Variants in NRXN1 observed in about 807,000 individuals in gnomAD.
NRXN1 encodes the protein neurexin-1.
Under a neutral mutation model 150.9 loss-of-function variants are expected in NRXN1, and 39 were observed. That is an observed-to-expected ratio of 0.26 (90% CI 0.20 to 0.34). NRXN1 has a LOEUF of 0.34. Among genes scored for constraint, NRXN1 ranks in the 10% least tolerant of loss-of-function variants. The pLI, the probability that NRXN1 is intolerant of heterozygous loss-of-function variation, is 1.00. For missense variants in NRXN1, 1,815 were observed against 1,949.9 expected, an observed-to-expected ratio of 0.93 and a Z score of 1.30; for synonymous variants, 924 against 757.0, an observed-to-expected ratio of 1.22 and a Z score of -3.62.
intron 17 of NRXN1, among the ~76,000 whole-genome samples, chr2:50,378,765 A>G (rs2103628393): frequency 6.6e-6 from 1 of 152,296 alleles, no homozygotes; most frequent in Non-Finnish European, 1.5e-5. Context: ...AAGTGATTAT[A>G]AATTTGAAAT....
intron 17 of NRXN1, among the ~76,000 whole-genome samples, chr2:50,262,499 G>T (rs953921633): frequency 3.3e-5 from 5 of 151,886 alleles, no homozygotes; most frequent in Non-Finnish European, 7.4e-5. Context: ...ATACTAAAAA[G>T]GTTGGGTTAA....
Position 50,368,840 on chromosome 2 carries a change from G to T in NRXN1, c.3364+96602C>A, listed in dbSNP as rs112092719. 8.2e-3 allele frequency among the ~76,000 whole-genome samples: 1,254 copies of T among 152,050 alleles called. 8 individuals are homozygous for T. Among genetic ancestry groups the T allele is most frequent in the Middle Eastern group, 0.034 (10 of 294 alleles). On this transcript the variant is annotated intron_variant, in intron 17 of 22. Coordinates refer to ENST00000401669, the MANE Select transcript of NRXN1 (RefSeq NM_001330078.2). ...TGGAGTTTCCAGAAAGCAAACGAGT[G>T]GGGGTTTGGAACTAACCTACATTCC...
intron 17 of NRXN1, among the ~76,000 whole-genome samples, chr2:50,376,048 C>CACAG (rs1334117696): frequency 8.6e-6 from 1 of 115,960 alleles, no homozygotes; most frequent in Non-Finnish European, 1.8e-5. Flanking sequence ...TATATATATA[C>CACAG]ACACACACAC....
intron 18 of NRXN1, among the ~76,000 whole-genome samples, chr2:50,096,860 T>A (rs1700297247): frequency 6.6e-6 from 1 of 152,232 alleles, no homozygotes; most frequent in Non-Finnish European, 1.5e-5. Context: ...TTTAATGCAC[T>A]GTCTAATTCC....
intron 15 of NRXN1, among the ~76,000 whole-genome samples, chr2:50,477,245 C>T (rs1047744411): frequency 2.6e-5 from 4 of 151,944 alleles, no homozygotes; most frequent in African/African-American, 9.7e-5. Context: ...CTTATGACTG[C>T]TGGCTGAAAA....
intron 18 of NRXN1, among the ~76,000 whole-genome samples, chr2:50,170,168 T>G (rs745665869): frequency 6.6e-6 from 1 of 150,880 alleles, no homozygotes; most frequent in African/African-American, 2.5e-5. Flanking sequence ...CACACACATA[T>G]GTACACTCAA....
chr2:50,110,215 G>C (rs943959577), intron 18 of NRXN1, among the ~76,000 whole-genome samples: 1 of 152,074 alleles, frequency 6.6e-6, no homozygotes, highest in Non-Finnish European at 1.5e-5. Flanking sequence ...TGTTGGCCGG[G>C]CGCGGTGGCT....
chr2:50,558,526 T>G (rs1181642085), intron 8 of NRXN1, among the ~76,000 whole-genome samples: 1 of 152,178 alleles, frequency 6.6e-6, no homozygotes, highest in Non-Finnish European at 1.5e-5. Context: ...CACAAGTAAG[T>G]AGAGGAATTT....
At chr2:50,506,426 A>G in intron 13 of NRXN1, 69 bp downstream of exon 13, 1 of 1,504,628 alleles carries the variant, frequency 6.6e-7, no homozygotes, top group Non-Finnish European at 9.0e-7. Context: ...TTGGTGTGCA[A>G]AACCACCTGC....
intron 15 of NRXN1, among the ~76,000 whole-genome samples, chr2:50,475,307 A>G (rs1189725658): frequency 1.3e-5 from 2 of 152,088 alleles, no homozygotes; most frequent in Non-Finnish European, 2.9e-5. Context: ...TGTGTTTCCC[A>G]GAGTGCCCGG....
chr2:50,564,389 A>T (rs937538805), intron 8 of NRXN1, among the ~76,000 whole-genome samples: 1 of 152,194 alleles, frequency 6.6e-6, no homozygotes, highest in South Asian at 2.1e-4. Flanking sequence ...GCAAAGATGC[A>T]TTCTGTAAAG....
At chr2:50,747,237 G>A (rs1700128640) in intron 5 of NRXN1, among the ~76,000 whole-genome samples, 1 of 152,152 alleles carries the variant, frequency 6.6e-6, no homozygotes, top group Non-Finnish European at 1.5e-5. Context: ...CTGACCTCTG[G>A]GTTGTCTTTC....
At chr2:50,585,079 C>T (rs911400220) in intron 8 of NRXN1, among the ~76,000 whole-genome samples, 1 of 152,188 alleles carries the variant, frequency 6.6e-6, no homozygotes, top group South Asian at 2.1e-4. Context: ...TCCCACAGAT[C>T]CTGAGCATTC....
At chr2:50,226,526 G>C (rs1000361046) in intron 18 of NRXN1, among the ~76,000 whole-genome samples, 5 of 151,902 alleles carry the variant, frequency 3.3e-5, no homozygotes, top group African/African-American at 7.2e-5. Context: ...AGCACAAGGA[G>C]GAGGGGGAGA....
chr2:50,267,623 G>T (rs7579558), intron 17 of NRXN1, among the ~76,000 whole-genome samples: 1 of 151,832 alleles, frequency 6.6e-6, no homozygotes, highest in Admixed American at 6.6e-5. Flanking sequence ...TCTGACATTC[G>T]ATTTATAACA....
intron 17 of NRXN1, among the ~76,000 whole-genome samples, chr2:50,375,959 C>T (rs893416123): frequency 5.9e-5 from 9 of 151,526 alleles, no homozygotes; most frequent in East Asian, 1.9e-4. Context: ...TAAAATAGAA[C>T]GATATAGTCT....
chr2:49,933,212 A>G (rs1445235797), intron 22 of NRXN1, among the ~76,000 whole-genome samples: 1 of 151,856 alleles, frequency 6.6e-6, no homozygotes, highest in Non-Finnish European at 1.5e-5. Context: ...TCAGCCTCCC[A>G]AGTAGCTGGG....
intron 8 of NRXN1, among the ~76,000 whole-genome samples, chr2:50,572,220 G>A (rs1010277788): frequency 4.6e-5 from 7 of 152,182 alleles, no homozygotes; most frequent in Admixed American, 4.6e-4. Flanking sequence ...TGCACATACT[G>A]TGCCCAAACA....
At chr2:50,364,488 A>G (rs1222121487) in intron 17 of NRXN1, among the ~76,000 whole-genome samples, 1 of 152,132 alleles carries the variant, frequency 6.6e-6, no homozygotes, top group Non-Finnish European at 1.5e-5. Flanking sequence ...AACAGCTACA[A>G]ATAAGTCACA....
Sources: allele counts gnomAD v4.1 joint callset (sites outside exome capture counted in the v4.1 genomes callset), GRCh38; gene constraint gnomAD v4.1.1; transcripts MANE v1.5; gene names NCBI Gene and HGNC (gene_info 2026-07-23, HGNC 2026-07-21).